UBAC1: variants seen among roughly 807,000 people sequenced by gnomAD.
The protein encoded by UBAC1 is ubiquitin-associated domain-containing protein 1.
A neutral mutation model predicts 45.9 loss-of-function variants in UBAC1; 27 were observed. That is an observed-to-expected ratio of 0.59 (90% CI 0.43 to 0.81). The LOEUF is 0.81. Ranked by LOEUF, UBAC1 falls within the 30% of genes least tolerant of loss-of-function variation. The pLI is 0.00. For synonymous variants in UBAC1, 227 were observed against 215.5 expected (o/e 1.05, Z -0.47); for missense variants, 529 against 539.2 (o/e 0.98, Z 0.19).
chr9:135,944,258 A>T (rs1564196177), intron 7 of UBAC1, among the ~76,000 whole-genome samples: 1 of 152,198 alleles, frequency 6.6e-6, no homozygotes, highest in Non-Finnish European at 1.5e-5. Context: ...CATCACCAGC[A>T]GAAGCAAACT....
chr9:135,958,195 C>T (rs1164196840), intron 1 of UBAC1, among the ~76,000 whole-genome samples: 3 of 151,924 alleles, frequency 2.0e-5, no homozygotes, highest in Non-Finnish European at 2.9e-5. Flanking sequence ...TACAGGTGCC[C>T]GCCACCACGC....
At chr9:135,955,256 G>C (rs201493161) in intron 2 of UBAC1, 39 bp downstream of exon 2, 1 of 1,513,448 alleles carries the variant, frequency 6.6e-7, no homozygotes, top group African/African-American at 1.4e-5. Context: ...AGCAGTGCAC[G>C]ATGCCTGCTG....
intron 2 of UBAC1, chr9:135,953,958 G>A: frequency 6.5e-6 from 2 of 307,580 alleles, no homozygotes; most frequent in Non-Finnish European, 1.2e-5. Flanking sequence ...GGCCAACACG[G>A]TGAAACCCCA....
intron 3 of UBAC1, among the ~76,000 whole-genome samples, chr9:135,949,021 G>A (rs1363906705): frequency 2.0e-5 from 3 of 149,986 alleles, no homozygotes; most frequent in African/African-American, 7.4e-5. Context: ...TCACACCACC[G>A]CACTCAAGCC....
At chr9:135,944,565 T>G (rs1839303621) in intron 7 of UBAC1, among the ~76,000 whole-genome samples, 1 of 152,182 alleles carries the variant, frequency 6.6e-6, no homozygotes. Flanking sequence ...CCTTCAGCCC[T>G]GCAGACTGTG....
At chr9:135,947,712 G>T in intron 4 of UBAC1, 86 bp downstream of exon 4, 1 of 1,106,656 alleles carries the variant, frequency 9.0e-7, no homozygotes, top group Non-Finnish European at 1.3e-6. Flanking sequence ...ATCTCCTCTT[G>T]CTGCCCCGCC....
At chr9:135,960,930 A>T (rs1353530250) in intron 1 of UBAC1, 95 bp downstream of exon 1, 1 of 1,167,262 alleles carries the variant, frequency 8.6e-7, no homozygotes, top group Non-Finnish European at 1.1e-6. Context: ...TGGGCGGCGG[A>T]CCCCAGGTCG....
chr9:135,959,949 A>C (rs190279603), intron 1 of UBAC1, among the ~76,000 whole-genome samples: 74 of 152,292 alleles, frequency 4.9e-4, no homozygotes, highest in African/African-American at 1.7e-3. Flanking sequence ...GGGGCTTGCC[A>C]AGCTTGCCTC....
At chr9:135,956,883 A>G (rs1257039403) in intron 1 of UBAC1, among the ~76,000 whole-genome samples, 1 of 151,874 alleles carries the variant, frequency 6.6e-6, no homozygotes, top group Non-Finnish European at 1.5e-5. Flanking sequence ...CACTTTCTAA[A>G]CCCGGTAGCA....
At chr9:135,960,543 C>T (rs1839520893) in intron 1 of UBAC1, among the ~76,000 whole-genome samples, 1 of 152,152 alleles carries the variant, frequency 6.6e-6, no homozygotes, top group South Asian at 2.1e-4. Context: ...GAAGGGGCCT[C>T]TTCATGAAGG....
chr9:135,939,105 G>C (rs1318853328), intron 8 of UBAC1, among the ~76,000 whole-genome samples: 1 of 151,978 alleles, frequency 6.6e-6, no homozygotes, highest in African/African-American at 2.4e-5. Context: ...AGGAGGCTGA[G>C]GCAGGAGGAT....
intron 5 of UBAC1, 33 bp downstream of exon 5, chr9:135,946,236 G>T: frequency 6.7e-7 from 1 of 1,488,364 alleles, no homozygotes; most frequent in Non-Finnish European, 9.4e-7. Context: ...GCAGTGAACC[G>T]CCCTGGAATG....
intron 7 of UBAC1, among the ~76,000 whole-genome samples, chr9:135,940,047 G>A (rs527535345): frequency 2.6e-5 from 4 of 152,196 alleles, no homozygotes; most frequent in South Asian, 4.1e-4. Flanking sequence ...AGGTAGAAAC[G>A]CATCGCTTAT....
At chr9:135,933,636 C>T in intron 9 of UBAC1, 121 bp from the exon 10 acceptor site, 1 of 696,816 alleles carries the variant, frequency 1.4e-6, no homozygotes, top group Admixed American at 2.2e-5. Flanking sequence ...ACAAAGGCCA[C>T]ACAGAGCTCA....
intron 7 of UBAC1, among the ~76,000 whole-genome samples, chr9:135,943,591 C>T (rs1187250749): frequency 6.6e-6 from 1 of 152,138 alleles, no homozygotes; most frequent in Non-Finnish European, 1.5e-5. Flanking sequence ...TTTGTCCCTG[C>T]AATTCCATTA....
intron 7 of UBAC1, among the ~76,000 whole-genome samples, chr9:135,943,668 G>A (rs1328298376): frequency 6.6e-6 from 1 of 152,204 alleles, no homozygotes; most frequent in Non-Finnish European, 1.5e-5. Flanking sequence ...TATGTTCACT[G>A]CAGCACTACT....
rs536069109 is a variant in UBAC1 at position 135,955,224 on chromosome 9, C to G, written c.259+71G>C. 4.1e-4 allele frequency: 581 copies of G among 1,407,520 alleles called. 4 individuals carry two copies. The highest frequency in any genetic ancestry group is 2.0e-3 in the Middle Eastern group (9 of 4,506). 87.2% of individuals were successfully genotyped at this position (1,407,520 alleles called of 1,614,324 possible). A position where few individuals can be genotyped will look rare whatever the true frequency, so the allele number is the denominator to read the frequency against. ...CACTGACTCCTGTGGGTGGACCACC[C>G]CCTCCTGGCTCCAGCGCCCCCAGCA... On this transcript the variant is annotated intron_variant, in intron 2 of 9. Coordinates refer to ENST00000371756, the MANE Select transcript of UBAC1 (RefSeq NM_016172.3).
rs1277660722 is a variant in UBAC1, at chr9:135,947,912, A to C, written c.334-7T>G. On this transcript the variant is annotated splice_polypyrimidine_tract_variant and splice_region_variant and intron_variant, in intron 3 of 9. Coordinates refer to ENST00000371756, the MANE Select transcript of UBAC1 (RefSeq NM_016172.3). The stretch of plus-strand genomic sequence containing the variant: ...CTTTCTGGTCTTGTTTTTTCTACAC[A>C]GAAACGTAATCAGAAAGTCTGAGGT... The C allele has an allele frequency of 6.2e-7, 1 of 1,612,614 alleles. No individual in the cohort carries two copies. Among genetic ancestry groups the C allele is most frequent in the African/African-American group, 1.3e-5 (1 of 74,854 alleles).
intron 1 of UBAC1, among the ~76,000 whole-genome samples, chr9:135,957,564 C>T (rs1839482321): frequency 6.6e-6 from 1 of 151,920 alleles, no homozygotes; most frequent in Admixed American, 6.6e-5. Context: ...CAAAAAAGCC[C>T]CAACCAAGGC....
Sources: allele counts gnomAD v4.1 joint callset (sites outside exome capture counted in the v4.1 genomes callset), GRCh38; gene constraint gnomAD v4.1.1; transcripts MANE v1.5; gene names NCBI Gene and HGNC (gene_info 2026-07-23, HGNC 2026-07-21).